Variants in SNX25 observed in about 807,000 individuals in gnomAD.
SNX25 encodes sorting nexin-25.
In SNX25, 62 loss-of-function variants were observed where a neutral mutation model predicts 113.7. That is an observed-to-expected ratio of 0.55 (90% CI 0.44 to 0.67). SNX25 has a LOEUF of 0.67. SNX25 is among the 30% of genes least tolerant of loss of function. The probability of loss-of-function intolerance (pLI) is 0.00; values close to 1 mark genes in which losing one functional copy is unlikely to be tolerated. For missense variants in SNX25, 1,014 were observed against 1,161.0 expected (o/e 0.87, Z 1.84); for synonymous variants, 421 against 436.2 (o/e 0.97, Z 0.43).
chr4:185,207,879 G>C (rs1250736528), upstream of SNX25: 1 of 152,060 alleles, frequency 6.6e-6, no homozygotes, highest in Non-Finnish European at 1.5e-5. Flanking sequence ...GGTGAGCTAG[G>C]GCTAAAATTG....
At chr4:185,264,154 G>A (rs1041874810) in intron 3 of SNX25, among the ~76,000 whole-genome samples, 4 of 152,004 alleles carry the variant, frequency 2.6e-5, no homozygotes, top group South Asian at 2.1e-4. Context: ...ATAAATACTC[G>A]TACCTTTTTA....
At chr4:185,371,257 T>C (rs1051829448), downstream of SNX25, among the ~76,000 whole-genome samples, 1 of 152,076 alleles carries the variant, frequency 6.6e-6, no homozygotes, top group African/African-American at 2.4e-5. Context: ...AATAGACAAT[T>C]GGCTGGGCGC....
At chr4:185,273,752 C>T (rs574513845) in intron 5 of SNX25, among the ~76,000 whole-genome samples, 298 of 152,286 alleles carry the variant, frequency 2.0e-3, no homozygotes, top group African/African-American at 6.2e-3. Context: ...TCCACATGTA[C>T]GTGAGATGAT....
At chr4:185,362,818 T>A in intron 18 of SNX25, 107 bp downstream of exon 18, 1 of 666,324 alleles carries the variant, frequency 1.5e-6, no homozygotes, top group Non-Finnish European at 2.6e-6. Flanking sequence ...CATTCTCACA[T>A]ACTAGTCATC....
intron 5 of SNX25, among the ~76,000 whole-genome samples, chr4:185,285,627 C>T (rs1751238166): frequency 6.6e-6 from 1 of 152,248 alleles, no homozygotes. Flanking sequence ...GCTTGACATA[C>T]AGCAACTTAA....
At chr4:185,277,611 T>C (rs1749903038) in intron 5 of SNX25, among the ~76,000 whole-genome samples, 1 of 151,516 alleles carries the variant, frequency 6.6e-6, no homozygotes, top group South Asian at 2.1e-4. Context: ...GTATATAGAG[T>C]ATTTCCAAAA....
At chr4:185,371,803 C>T (rs751712677), downstream of SNX25, among the ~76,000 whole-genome samples, 5 of 152,146 alleles carry the variant, frequency 3.3e-5, no homozygotes, top group Non-Finnish European at 5.9e-5. Flanking sequence ...GAGCCCGAGA[C>T]GCTGGGGAAG....
intron 3 of SNX25, 49 bp from the exon 4 acceptor site, chr4:185,264,389 G>A: frequency 6.4e-7 from 1 of 1,560,438 alleles, no homozygotes; most frequent in Non-Finnish European, 8.8e-7. Context: ...GTACATAATT[G>A]AATTGTTTCT....
downstream of SNX25, chr4:185,374,291 A>G: frequency 6.2e-7 from 1 of 1,613,990 alleles, no homozygotes; most frequent in Non-Finnish European, 8.5e-7. Context: ...TTTCCTTCAA[A>G]CCTAATCTTG....
At chr4:185,297,780 G>T (rs1277801041) in intron 6 of SNX25, among the ~76,000 whole-genome samples, 2 of 152,078 alleles carry the variant, frequency 1.3e-5, no homozygotes, top group African/African-American at 4.8e-5. Flanking sequence ...TTGAATAAGG[G>T]CTCTAACTCC....
chr4:185,313,874 G>A (rs190020714), intron 7 of SNX25, among the ~76,000 whole-genome samples: 5 of 152,254 alleles, frequency 3.3e-5, no homozygotes, highest in Non-Finnish European at 5.9e-5. Flanking sequence ...ATTATATACT[G>A]TACTGTTAGA....
rs139150709 is a variant in SNX25 at position 185,346,384 on chromosome 4, A to G, written c.2188-153A>G. On this transcript the variant is annotated intron_variant, in intron 12 of 18. Coordinates refer to ENST00000652585, the MANE Select transcript of SNX25 (RefSeq NM_001378034.2). ...TCCATCAAAGTTTCCGTTCCTCCCAATTCTTCGAGCCTCATTAAGATGGGT... is the reference window on the plus strand; with the variant it reads ...TCCATCAAAGTTTCCGTTCCTCCCAGTTCTTCGAGCCTCATTAAGATGGGT... Among the ~76,000 whole-genome samples, 341 of 152,286 alleles carry G rather than the reference A, an allele frequency of 2.2e-3. 4 individuals are homozygous for G. The highest frequency in any genetic ancestry group is 7.9e-3 in the African/African-American group (329 of 41,560).
intron 6 of SNX25, among the ~76,000 whole-genome samples, chr4:185,294,707 A>C (rs1214593890): frequency 6.6e-6 from 1 of 152,224 alleles, no homozygotes; most frequent in Non-Finnish European, 1.5e-5. Context: ...CAATGTATTA[A>C]CAATCTGAAG....
chr4:185,337,710 A>G lies in SNX25; in HGVS notation c.1915-1669A>G, dbSNP rs555227384. ...AACATCTATACCATTTTACATTCCA[A>G]CTAGCAGTGCACAAGGGTTCCAATC... On this transcript the variant is annotated intron_variant, in intron 10 of 18. Transcript: ENST00000652585. Among the ~76,000 whole-genome samples, 19 of 152,296 alleles carry G rather than the reference A, an allele frequency of 1.2e-4. No individual in the cohort carries two copies. In the South Asian group the frequency reaches 2.3e-3, roughly 18 times the overall value.
chr4:185,211,337 G>A (rs927426779), intron 1 of SNX25, among the ~76,000 whole-genome samples: 3 of 152,172 alleles, frequency 2.0e-5, no homozygotes, highest in African/African-American at 4.8e-5. Flanking sequence ...GTATATTAAG[G>A]AGCAGGCAAC....
chr4:185,253,824 C>T (rs1346361104), intron 2 of SNX25, among the ~76,000 whole-genome samples: 1 of 152,180 alleles, frequency 6.6e-6, no homozygotes, highest in Non-Finnish European at 1.5e-5. Context: ...GCTCTTAATG[C>T]TTTTCTGAAT....
chr4:185,296,974 C>A (rs1158685780), intron 6 of SNX25, among the ~76,000 whole-genome samples: 1 of 152,172 alleles, frequency 6.6e-6, no homozygotes. Flanking sequence ...CTTTCTGCGG[C>A]ATTTGATATT....
At chr4:185,330,741 C>T (rs1435395307) in intron 9 of SNX25, among the ~76,000 whole-genome samples, 2 of 152,246 alleles carry the variant, frequency 1.3e-5, no homozygotes, top group Admixed American at 6.5e-5. Context: ...TATTAGAAGT[C>T]ATCTAATTGA....
chr4:185,333,876 T>C (rs2126709493), intron 10 of SNX25, among the ~76,000 whole-genome samples: 1 of 151,324 alleles, frequency 6.6e-6, no homozygotes, highest in Admixed American at 6.6e-5. Context: ...AGACCCCATT[T>C]CTAGTAAAAA....
Sources: gnomAD v4.1 joint callset for allele counts (sites outside exome capture counted in the v4.1 genomes callset) on GRCh38, gnomAD v4.1.1 for gene constraint, MANE v1.5 for transcripts, NCBI Gene and HGNC (gene_info 2026-07-23, HGNC 2026-07-21) for gene names.